PDE4C: variants seen among roughly 807,000 people sequenced by gnomAD.
The protein encoded by PDE4C is phosphodiesterase 4C.
PDE4C carries 50 observed loss-of-function variants against 63.9 expected under a neutral mutation model. That is an observed-to-expected ratio of 0.78 (90% CI 0.62 to 0.99). The LOEUF is 0.99. PDE4C is among the 50% of genes least tolerant of loss of function. PDE4C has a pLI of 0.00. For missense variants in PDE4C, 777 were observed against 899.1 expected, an observed-to-expected ratio of 0.86 and a Z score of 1.74; for synonymous variants, 377 against 385.1, an observed-to-expected ratio of 0.98 and a Z score of 0.25.
chr19:18,224,532 G>A lies in PDE4C; in HGVS notation c.146+1738C>T, dbSNP rs1280987823. 8.1e-6 allele frequency: 8 copies of A among 985,124 alleles called. No homozygotes were observed. In the African/African-American group the frequency reaches 1.4e-4, roughly 17 times the overall value. 61.0% of individuals were successfully genotyped at this position (985,124 alleles called of 1,614,324 possible). On this transcript the variant is annotated intron_variant, in intron 1 of 14. Coordinates refer to ENST00000262805, the Ensembl canonical transcript of PDE4C. The stretch of plus-strand genomic sequence containing the variant: ...CGAAGAGTTTGTTCGATGAGTTCGG[G>A]AGAATTCGGCTACGTCCGATTGAGC...
chr19:18,237,984 C>A (rs757994781), upstream of PDE4C, among the ~76,000 whole-genome samples: 2 of 151,986 alleles, frequency 1.3e-5, no homozygotes, highest in Admixed American at 1.3e-4. Context: ...TGCCCATAAT[C>A]CCAACACTTT....
At chr19:18,232,939 C>T (rs919363987) in intron 1 of PDE4C, 3 of 1,444,778 alleles carry the variant, frequency 2.1e-6, no homozygotes, top group Non-Finnish European at 2.7e-6. Flanking sequence ...GCCCCTGCCC[C>T]GGCCACCTAC....
chr19:18,252,947 G>T (rs949465337), upstream of PDE4C, among the ~76,000 whole-genome samples: 3 of 152,088 alleles, frequency 2.0e-5, no homozygotes, highest in African/African-American at 4.8e-5. Context: ...TTTTGTCCAG[G>T]TCATAGGGAG....
At chr19:18,211,337 C>G in intron 14 of PDE4C, 61 bp from the exon 15 acceptor site, 1 of 1,381,350 alleles carries the variant, frequency 7.2e-7, no homozygotes, top group Non-Finnish European at 9.8e-7. Context: ...TAGACTCAAT[C>G]CAGCCTCCAG....
chr19:18,222,157 G>A (rs529117552), exon 2 of PDE4C: 9 of 1,613,582 alleles, frequency 5.6e-6, no homozygotes, highest in African/African-American at 2.7e-5. Flanking sequence ...GAGGAGTTCC[G>A]AGACATGGCC....
intron 1 of PDE4C, among the ~76,000 whole-genome samples, chr19:18,241,069 T>G (rs548223282): frequency 4.5e-4 from 69 of 152,056 alleles, no homozygotes; most frequent in African/African-American, 1.6e-3. Flanking sequence ...ACCTGAAATT[T>G]AAGGCAGAAA....
chr19:18,228,728 G>A (rs1472413660), upstream of PDE4C, among the ~76,000 whole-genome samples: 1 of 152,094 alleles, frequency 6.6e-6, no homozygotes, highest in Non-Finnish European at 1.5e-5. Flanking sequence ...GCAAGGGGTG[G>A]CCACAGAGCC....
chr19:18,233,257 GCGT>G, exon 1 of PDE4C: 1 of 1,538,992 alleles, frequency 6.5e-7, no homozygotes, highest in Non-Finnish European at 8.7e-7. Flanking sequence ...GCGCCGAGGA[GCGT>G]CTGCTCCCGG....
chr19:18,236,134 G>A (rs184872282), upstream of PDE4C, among the ~76,000 whole-genome samples: 2 of 151,866 alleles, frequency 1.3e-5, no homozygotes, highest in South Asian at 2.1e-4. Context: ...TAGTAGAGAC[G>A]GAGTTTCACC....
At chr19:18,229,925 A>T (rs187197337), upstream of PDE4C, among the ~76,000 whole-genome samples, 7 of 150,738 alleles carry the variant, frequency 4.6e-5, no homozygotes, top group African/African-American at 1.7e-4. Context: ...GTCTCTCCCC[A>T]CTCCTCACTG....
At chr19:18,208,039 ATTAC>A (rs1967758980), downstream of PDE4C, 1 of 152,164 alleles carries the variant, frequency 6.6e-6, no homozygotes, top group Non-Finnish European at 1.5e-5. Flanking sequence ...CGAACATGGT[ATTAC>A]TTTGTAAGCG....
chr19:18,218,044 G>A (rs1968278427), intron 11 of PDE4C, 105 bp downstream of exon 11: 1 of 830,338 alleles, frequency 1.2e-6, no homozygotes, highest in Non-Finnish European at 2.0e-6. Context: ...TCATAGACAG[G>A]GAGACTGGGC....
chr19:18,218,862 G>C (rs1218045767), intron 9 of PDE4C, 78 bp downstream of exon 9: 1 of 1,011,168 alleles, frequency 9.9e-7, no homozygotes, highest in Admixed American at 1.7e-5. Flanking sequence ...AAAAATGAGT[G>C]TCCCTGAGGT....
intron 1 of PDE4C, among the ~76,000 whole-genome samples, chr19:18,244,320 C>G (rs906336737): frequency 4.8e-5 from 7 of 146,848 alleles, no homozygotes; most frequent in Admixed American, 4.8e-4. Context: ...TTTGAGACGA[C>G]GTCTCACTCT....
chr19:18,218,606 T>C (rs1968317760), intron 9 of PDE4C, 108 bp from the exon 10 acceptor site: 2 of 1,239,880 alleles, frequency 1.6e-6, no homozygotes, highest in Non-Finnish European at 2.3e-6. Flanking sequence ...CACCTGCTCC[T>C]CTGAGATGCC....
upstream of PDE4C, chr19:18,226,598 T>A: frequency 2.8e-6 from 1 of 362,460 alleles, no homozygotes; most frequent in Non-Finnish European, 4.8e-6. Flanking sequence ...GACGCAACTC[T>A]CTGCTCCTTT....
At chr19:18,231,829 C>T (rs931764742) in intron 1 of PDE4C, among the ~76,000 whole-genome samples, 4 of 152,094 alleles carry the variant, frequency 2.6e-5, no homozygotes, top group Non-Finnish European at 5.9e-5. Flanking sequence ...TCTACATTAT[C>T]TTTCTATGAG....
At chr19:18,233,463 A>AC (rs35421958) in exon 1 of PDE4C, 258 of 655,146 alleles carry the variant, frequency 3.9e-4, no homozygotes, top group East Asian at 7.2e-4. Context: ...GGCTGAAGAG[A>AC]CCCCCCCCCA....
chr19:18,251,706 G>GCCCCCGCCCCCGCCCCCGCCCCCGC (rs1434244232), upstream of PDE4C, among the ~76,000 whole-genome samples: 3 of 35,452 alleles, frequency 8.5e-5, no homozygotes, highest in Non-Finnish European at 1.8e-4. Context: ...CCCGCCCTCG[G>GCCCCCGCCCCCGCCCCCGCCCCCGC]CCTCCCAAAG....
Sources: allele counts gnomAD v4.1 joint callset (sites outside exome capture counted in the v4.1 genomes callset), GRCh38; gene constraint gnomAD v4.1.1; transcripts MANE v1.5; gene names NCBI Gene and HGNC (gene_info 2026-07-23, HGNC 2026-07-21).